Variants in IFT70B observed in about 807,000 individuals in gnomAD.
The protein encoded by IFT70B is intraflagellar transport 70B, also known as intraflagellar transport protein 70B.
At chr2:177,551,326 C>T in the IFT70B span, 4 of 1,613,690 alleles carry the variant, frequency 2.5e-6, no homozygotes, top group African/African-American at 5.3e-5. Context: ...TCATAGAAAC[C>T]AATGGCTTCT....
the IFT70B span, chr2:177,550,015 TAAAC>T: frequency 6.6e-6 from 1 of 152,334 alleles, no homozygotes; most frequent in Non-Finnish European, 1.5e-5. Flanking sequence ...CTGTGTCTCT[TAAAC>T]AAACCCCTGA....
At chr2:177,551,094 T>C in the IFT70B span, 4 of 1,614,208 alleles carry the variant, frequency 2.5e-6, no homozygotes, top group East Asian at 2.2e-5. Context: ...ATAATTTCCT[T>C]TGGCACAATA....
the IFT70B span, chr2:177,552,640 G>C: frequency 1.9e-6 from 3 of 1,590,158 alleles, no homozygotes; most frequent in East Asian, 4.6e-5. Context: ...CGGCTCCTAG[G>C]GCTCCGCTGC....
chr2:177,552,338 C>T, the IFT70B span: 17 of 1,614,222 alleles, frequency 1.1e-5, no homozygotes, highest in Non-Finnish European at 1.4e-5. Flanking sequence ...CTCCCCCTTC[C>T]CTACTCGGCA....
At chr2:177,551,029 C>G in the IFT70B span, 1 of 1,614,104 alleles carries the variant, frequency 6.2e-7, no homozygotes, top group Non-Finnish European at 8.5e-7. Flanking sequence ...GTGTCTGTTC[C>G]CAGCTTTTTG....
At chr2:177,552,299 A>G in the IFT70B span, 151 of 1,614,216 alleles carry the variant, frequency 9.4e-5, 1 homozygote, top group Non-Finnish European at 1.2e-4. Flanking sequence ...TGATCTGGCC[A>G]TCGGTCTCAT....
the IFT70B span, chr2:177,552,291 A>T: frequency 1.2e-6 from 2 of 1,614,094 alleles, no homozygotes; most frequent in Non-Finnish European, 1.7e-6. Context: ...ACCCAGGTTG[A>T]TCTGGCCATC....
chr2:177,552,403 C>A, the IFT70B span: 11 of 1,613,706 alleles, frequency 6.8e-6, no homozygotes, highest in East Asian at 2.5e-4. Context: ...TACTTGATAG[C>A]AGCTTGCAGG....
At chr2:177,550,892 T>C in the IFT70B span, 1 of 1,614,174 alleles carries the variant, frequency 6.2e-7, no homozygotes, top group East Asian at 2.2e-5. Context: ...CAGGTATGTT[T>C]CTGCCATGAA....
At chr2:177,551,145 A>G in the IFT70B span, 1 of 1,613,992 alleles carries the variant, frequency 6.2e-7, no homozygotes, top group Non-Finnish European at 8.5e-7. Context: ...GAGATGGTAC[A>G]TTTTCTTATC....
the IFT70B span, chr2:177,550,834 T>C: frequency 6.2e-7 from 1 of 1,614,124 alleles, no homozygotes; most frequent in Non-Finnish European, 8.5e-7. Flanking sequence ...GTGACTGTAT[T>C]CTTTCCAACA....
chr2:177,551,023 C>A, the IFT70B span: 5 of 1,614,122 alleles, frequency 3.1e-6, no homozygotes, highest in South Asian at 5.5e-5. Flanking sequence ...TACCAGGTGT[C>A]TGTTCCCAGC....
the IFT70B span, chr2:177,549,264 GATA>G: frequency 1.3e-5 from 2 of 152,176 alleles, no homozygotes; most frequent in African/African-American, 4.8e-5. Flanking sequence ...TAGCAGCTCA[GATA>G]ATTAAGATTT....
chr2:177,552,065 G>T, the IFT70B span: 11 of 1,614,126 alleles, frequency 6.8e-6, no homozygotes, highest in Non-Finnish European at 9.3e-6. Flanking sequence ...GAACATCAAT[G>T]CCCTCAGTGG....
the IFT70B span, chr2:177,552,699 A>G: frequency 5.0e-6 from 8 of 1,599,190 alleles, no homozygotes; most frequent in East Asian, 2.2e-5. Flanking sequence ...TGCATTGCGG[A>G]TGAGGCGGTA....
At chr2:177,551,060 G>A in the IFT70B span, 1 of 1,614,134 alleles carries the variant, frequency 6.2e-7, no homozygotes. Flanking sequence ...CCAAGCTTTT[G>A]ATAACTCGAG....
chr2:177,550,732 A>G, the IFT70B span: 1 of 1,531,600 alleles, frequency 6.5e-7, no homozygotes, highest in East Asian at 2.3e-5. Flanking sequence ...TTTACATAAC[A>G]AAGCCATTTG....
the IFT70B span, chr2:177,551,988 G>A: frequency 6.2e-7 from 1 of 1,614,222 alleles, no homozygotes; most frequent in South Asian, 1.1e-5. Flanking sequence ...GTATTCTATA[G>A]CTGCCTTAAG....
chr2:177,550,653 T>A, the IFT70B span: 1 of 954,098 alleles, frequency 1.0e-6, no homozygotes, highest in Non-Finnish European at 1.5e-6. Flanking sequence ...TTTTTTATAA[T>A]GCATAAGTGT....
Sources: allele counts gnomAD v4.1 joint callset, GRCh38; gene constraint gnomAD v4.1.1; transcripts MANE v1.5; gene names NCBI Gene and HGNC (gene_info 2026-07-23, HGNC 2026-07-21).